ANO10: variants seen among roughly 807,000 people sequenced by gnomAD.
The protein encoded by ANO10 is anoctamin-10.
A neutral mutation model predicts 74.7 loss-of-function variants in ANO10; 77 were observed. That is an observed-to-expected ratio of 1.03 (90% CI 0.86 to 1.25). The LOEUF (loss-of-function observed/expected upper bound fraction) is 1.25. Ranked by LOEUF, ANO10 falls within the 50% of genes most tolerant of loss-of-function variation. The pLI is 0.00. For synonymous variants in ANO10, 279 were observed against 284.9 expected, an observed-to-expected ratio of 0.98 and a Z score of 0.21; for missense variants, 721 against 778.1, an observed-to-expected ratio of 0.93 and a Z score of 0.87.
intron 11 of ANO10, among the ~76,000 whole-genome samples, chr3:43,440,100 A>G (rs901694466): frequency 6.6e-6 from 1 of 152,210 alleles, no homozygotes; most frequent in Admixed American, 6.5e-5. Context: ...AAAATCAACA[A>G]AATACAAAGG....
At chr3:43,381,623 G>A (rs1038302018) in intron 12 of ANO10, among the ~76,000 whole-genome samples, 4 of 152,012 alleles carry the variant, frequency 2.6e-5, no homozygotes, top group South Asian at 2.1e-4. Context: ...TAATAGTGGG[G>A]GACTTCAATA....
At chr3:43,412,538 C>T (rs1019245337) in intron 12 of ANO10, among the ~76,000 whole-genome samples, 3 of 152,178 alleles carry the variant, frequency 2.0e-5, no homozygotes, top group African/African-American at 7.2e-5. Context: ...TTCCAGAGTG[C>T]GCCCTGGCAC....
At chr3:43,381,324 C>A (rs1479677157) in intron 12 of ANO10, among the ~76,000 whole-genome samples, 2 of 152,182 alleles carry the variant, frequency 1.3e-5, no homozygotes, top group Admixed American at 6.5e-5. Flanking sequence ...TCAGGAGACT[C>A]ACCTGACACA....
chr3:43,622,761 A>T (rs1393806663), upstream of ANO10, among the ~76,000 whole-genome samples: 2 of 152,016 alleles, frequency 1.3e-5, no homozygotes, highest in East Asian at 3.9e-4. Context: ...TTTCTCCCTG[A>T]GGCCCTTTCT....
At chr3:43,570,187 T>C (rs1309653227) in intron 7 of ANO10, among the ~76,000 whole-genome samples, 1 of 131,640 alleles carries the variant, frequency 7.6e-6, no homozygotes, top group Non-Finnish European at 1.6e-5. Context: ...TAAAAGAGGA[T>C]ACAAACAAAT....
intron 8 of ANO10, among the ~76,000 whole-genome samples, chr3:43,563,533 A>G (rs2080156901): frequency 6.6e-6 from 1 of 152,034 alleles, no homozygotes; most frequent in African/African-American, 2.4e-5. Flanking sequence ...TGAGCATATC[A>G]AACGGACACC....
intron 11 of ANO10, among the ~76,000 whole-genome samples, chr3:43,533,296 G>C (rs562716284): frequency 8.5e-5 from 13 of 152,316 alleles, no homozygotes; most frequent in Non-Finnish European, 1.6e-4. Context: ...CTGAGGCTAA[G>C]CCATGCCCCT....
intron 11 of ANO10, 84 bp downstream of exon 11, chr3:43,549,636 C>T: frequency 6.7e-7 from 1 of 1,498,770 alleles, no homozygotes. Flanking sequence ...AATTGTCAGT[C>T]ATGGACAGCC....
chr3:43,671,592 T>G (rs1244930606), intron 1 of ANO10, among the ~76,000 whole-genome samples: 2 of 152,160 alleles, frequency 1.3e-5, no homozygotes, highest in Non-Finnish European at 2.9e-5. Flanking sequence ...ATTTTTACAA[T>G]AAAAATGAAA....
At chr3:43,620,607 A>T (rs1347881653) in intron 1 of ANO10, among the ~76,000 whole-genome samples, 1 of 152,082 alleles carries the variant, frequency 6.6e-6, no homozygotes, top group Non-Finnish European at 1.5e-5. Context: ...GTGGAACCCC[A>T]TCTCTACTAA....
chr3:43,551,770 T>C (rs1381153128), intron 10 of ANO10, among the ~76,000 whole-genome samples: 1 of 152,194 alleles, frequency 6.6e-6, no homozygotes, highest in East Asian at 1.9e-4. Flanking sequence ...TTTTGATTAA[T>C]ATTTCCATAT....
intron 11 of ANO10, among the ~76,000 whole-genome samples, chr3:43,527,453 A>T (rs2078255389): frequency 6.6e-6 from 1 of 152,134 alleles, no homozygotes; most frequent in African/African-American, 2.4e-5. Flanking sequence ...AATGAATTCA[A>T]TTTTTTCTAG....
chr3:43,528,779 C>T (rs1575349765), intron 11 of ANO10, among the ~76,000 whole-genome samples: 1 of 151,826 alleles, frequency 6.6e-6, no homozygotes, highest in South Asian at 2.1e-4. Flanking sequence ...GGCAACATGG[C>T]AAAACCCCAT....
chr3:43,382,285 C>T lies in ANO10; in HGVS notation c.1915-15311G>A, dbSNP rs892128999. Among the ~76,000 whole-genome samples the T allele has an allele frequency of 9.9e-5, 15 of 151,970 alleles. 1 individual carries two copies. The highest frequency in any genetic ancestry group is 3.4e-4 in the African/African-American group (14 of 41,352). ...CTGTAATCCCAGCACTTTGGGAGGC[C>T]GAGGCGGGCGGATCACGAGGTCAGG... is the stretch of plus-strand genomic sequence containing the variant. On this transcript the variant is annotated intron_variant, in intron 12 of 12. Transcript: ENST00000292246.
rs889726887 is a variant in ANO10, at chr3:43,596,354, T to C, written c.472+2178A>G. 6.6e-5 allele frequency among the ~76,000 whole-genome samples: 10 copies of C among 152,278 alleles called. No individual in the cohort carries two copies. The East Asian group carries it at 7.7e-4, about 12-fold the overall frequency. ...AGCTGGAGGCATCACGCTACCTGAC[T>C]TCAAACTATACTACAAAGCTACAGT... On this transcript the variant is annotated intron_variant, in intron 4 of 12. Coordinates refer to ENST00000292246, the MANE Select transcript of ANO10 (RefSeq NM_018075.5).
chr3:43,661,303 C>G (rs892070932), intron 1 of ANO10, among the ~76,000 whole-genome samples: 5 of 152,184 alleles, frequency 3.3e-5, no homozygotes, highest in African/African-American at 4.8e-5. Context: ...TCCAGCCCAA[C>G]TAAGCTTCAT....
chr3:43,424,360 C>G (rs2092866154), intron 12 of ANO10, among the ~76,000 whole-genome samples: 2 of 152,208 alleles, frequency 1.3e-5, no homozygotes, highest in African/African-American at 4.8e-5. Flanking sequence ...AACTTTGAAA[C>G]AAAGATGATT....
At chr3:43,502,485 C>A (rs1229019801) in intron 11 of ANO10, among the ~76,000 whole-genome samples, 1 of 152,178 alleles carries the variant, frequency 6.6e-6, no homozygotes, top group Non-Finnish European at 1.5e-5. Flanking sequence ...CTCTACACAC[C>A]AGCTCCCCTT....
chr3:43,397,084 C>G (rs945164301), intron 12 of ANO10, among the ~76,000 whole-genome samples: 1 of 152,012 alleles, frequency 6.6e-6, no homozygotes, highest in Non-Finnish European at 1.5e-5. Flanking sequence ...CATGTGCCAC[C>G]ACACCCAGCT....
Sources: allele counts gnomAD v4.1 joint callset (sites outside exome capture counted in the v4.1 genomes callset), GRCh38; gene constraint gnomAD v4.1.1; transcripts MANE v1.5; gene names NCBI Gene and HGNC (gene_info 2026-07-23, HGNC 2026-07-21).